The following ARFGEF1 variants were observed in gnomAD, a reference collection of about 807,000 sequenced individuals.
ARFGEF1 encodes the protein brefeldin A-inhibited guanine nucleotide-exchange protein 1.
ARFGEF1 carries 42 observed loss-of-function variants against 231.0 expected under a neutral mutation model. The observed-to-expected ratio is 0.18, with a 90% CI of 0.14 to 0.24. ARFGEF1 has a LOEUF of 0.24. ARFGEF1 is among the 10% of genes least tolerant of loss of function. The pLI, the probability that ARFGEF1 is intolerant of heterozygous loss-of-function variation, is 1.00. For synonymous variants in ARFGEF1, 710 were observed against 732.3 expected (o/e 0.97, Z 0.49); for missense variants, 1,345 against 2,192.0 (o/e 0.61, Z 7.72).
At position 67,257,895 on chromosome 8, in the gene ARFGEF1, T is replaced by A. The variant is rs113064460; in HGVS notation, c.2442-79A>T. ...TTTAAATAAGTCACCTCAAATCCCATAGCACTTTTATTTCTCTAAGTATCT... is the reference window on the plus strand; with the variant it reads ...TTTAAATAAGTCACCTCAAATCCCAAAGCACTTTTATTTCTCTAAGTATCT... On this transcript the variant is annotated intron_variant, in intron 16 of 38. Transcript: ENST00000262215. 179 of 1,298,148 alleles carry A rather than the reference T, an allele frequency of 1.4e-4. 1 individual carries two copies. The African/African-American group carries it at 2.0e-3, about 15-fold the overall frequency. The allele number at this position is 1,298,148 out of a possible 1,614,324, so 80.4% of individuals were successfully genotyped here.
At chr8:67,306,416 T>C (rs1325828715) in intron 1 of ARFGEF1, among the ~76,000 whole-genome samples, 2 of 152,214 alleles carry the variant, frequency 1.3e-5, no homozygotes, top group East Asian at 3.8e-4. Context: ...ATCAACACTG[T>C]TTATAAGGCA....
Position 67,259,929 on chromosome 8 carries a change from A to G in ARFGEF1, c.2124-3T>C, listed in dbSNP as rs763582279. ...CTCTCTTTGGTTTCTTATTAAATCT[A>G]GATGATGTTAAATAAGAACATTAAA... On this transcript the variant is annotated splice_polypyrimidine_tract_variant and splice_region_variant and intron_variant, in intron 14 of 38. Transcript: ENST00000262215. 96 of 1,562,880 alleles carry G rather than the reference A, an allele frequency of 6.1e-5. No homozygotes were observed. Among genetic ancestry groups the G allele is most frequent in the Non-Finnish European group, 8.2e-5 (94 of 1,142,376 alleles).
intron 7 of ARFGEF1, among the ~76,000 whole-genome samples, chr8:67,284,174 C>T (rs1386103118): frequency 6.6e-6 from 1 of 152,062 alleles, no homozygotes; most frequent in Admixed American, 6.6e-5. Flanking sequence ...AAATCTCTAT[C>T]AACTGAAATA....
At chr8:67,180,138 C>T (rs183347066) in intron 5 of ARFGEF1, among the ~76,000 whole-genome samples, 1 of 152,118 alleles carries the variant, frequency 6.6e-6, no homozygotes, top group East Asian at 1.9e-4. Flanking sequence ...GTTGACAAAC[C>T]TGTACATGAA....
chr8:67,325,169 TC>T (rs1807776748), intron 1 of ARFGEF1, among the ~76,000 whole-genome samples: 1 of 150,956 alleles, frequency 6.6e-6, no homozygotes, highest in Non-Finnish European at 1.5e-5. Flanking sequence ...CACCTCAGCC[TC>T]CCAAAGTACT....
At chr8:67,289,549 C>CAAAAAAAAAAAAAAAAAAAAAAAAAA (rs552601455) in intron 6 of ARFGEF1, among the ~76,000 whole-genome samples, 1 of 44,846 alleles carries the variant, frequency 2.2e-5, no homozygotes, top group African/African-American at 7.1e-5. Context: ...ACTCTGTATC[C>CAAAAAAAAAAAAAAAAAAAAAAAAAA]AAAAAAAAAA....
intron 1 of ARFGEF1, among the ~76,000 whole-genome samples, chr8:67,335,128 C>CAA (rs1563922014): frequency 8.4e-6 from 1 of 119,740 alleles, no homozygotes; most frequent in African/African-American, 3.3e-5. Context: ...TTTTTTGAGA[C>CAA]AGAGTCTCAC....
intron 17 of ARFGEF1, among the ~76,000 whole-genome samples, chr8:67,254,632 C>A (rs1009753694): frequency 2.0e-5 from 3 of 152,052 alleles, no homozygotes; most frequent in Non-Finnish European, 2.9e-5. Context: ...TCAAGTCCAG[C>A]CTAGGCAACA....
intron 35 of ARFGEF1, among the ~76,000 whole-genome samples, chr8:67,203,599 CCATGTCA>C (rs1164209854): frequency 6.6e-6 from 1 of 152,192 alleles, no homozygotes; most frequent in African/African-American, 2.4e-5. Flanking sequence ...GGCAAAATGG[CCATGTCA>C]TCATGTGTGA....
At chr8:67,185,717 C>A (rs1039962864) in intron 5 of ARFGEF1, among the ~76,000 whole-genome samples, 7 of 152,038 alleles carry the variant, frequency 4.6e-5, no homozygotes, top group Non-Finnish European at 8.8e-5. Context: ...AAAAGTAAAA[C>A]TTGCTGCTGC....
intron 19 of ARFGEF1, among the ~76,000 whole-genome samples, chr8:67,249,771 G>A (rs1159361765): frequency 1.3e-5 from 2 of 152,104 alleles, no homozygotes; most frequent in African/African-American, 2.4e-5. Context: ...ACAGGTGCAT[G>A]CCACCAAGCC....
At chr8:67,225,242 C>A (rs1255498750) in intron 28 of ARFGEF1, among the ~76,000 whole-genome samples, 1 of 152,160 alleles carries the variant, frequency 6.6e-6, no homozygotes, top group Admixed American at 6.5e-5. Flanking sequence ...CTATAAAGAG[C>A]TCTGGACTAG....
rs1808005962 is a variant in ARFGEF1, at chr8:67,329,582, T to G, written c.124+13582A>C. ...TAAATAAATAAATAAATAAAAAGAA[T>G]TTTTTAAAAAATGGAAAGAGCTAGA... On this transcript the variant is annotated intron_variant, in intron 1 of 38. Coordinates refer to ENST00000262215, the MANE Select transcript of ARFGEF1 (RefSeq NM_006421.5). 2.0e-5 allele frequency among the ~76,000 whole-genome samples: 3 copies of G among 148,846 alleles called. No homozygotes were observed. The South Asian group carries it at 6.4e-4, about 32-fold the overall frequency.
downstream of ARFGEF1, among the ~76,000 whole-genome samples, chr8:67,196,919 C>T (rs913092696): frequency 2.0e-5 from 3 of 152,044 alleles, no homozygotes; most frequent in Non-Finnish European, 4.4e-5. Flanking sequence ...TGTTCAGTAA[C>T]TGTTCATTAT....
intron 5 of ARFGEF1, among the ~76,000 whole-genome samples, chr8:67,185,153 A>C (rs964167747): frequency 6.6e-6 from 1 of 151,842 alleles, no homozygotes; most frequent in Non-Finnish European, 1.5e-5. Context: ...AAAACACAAC[A>C]TAGTCCAAGA....
At chr8:67,195,885 T>TTAAGA (rs942452572), downstream of ARFGEF1, 8 of 289,950 alleles carry the variant, frequency 2.8e-5, no homozygotes, top group Admixed American at 4.8e-5. Context: ...CTGCTTGTCA[T>TTAAGA]TAAGATAAGG....
At chr8:67,251,786 T>C (rs1223270797) in intron 18 of ARFGEF1, among the ~76,000 whole-genome samples, 1 of 152,154 alleles carries the variant, frequency 6.6e-6, no homozygotes, top group African/African-American at 2.4e-5. Flanking sequence ...TAAATGCCAC[T>C]GAATTGTTCA....
chr8:67,299,636 G>A (rs1342442163), intron 3 of ARFGEF1, among the ~76,000 whole-genome samples: 7 of 152,156 alleles, frequency 4.6e-5, no homozygotes, highest in Non-Finnish European at 8.8e-5. Flanking sequence ...TGGAGAACCT[G>A]TCTCTGATGA....
chr8:67,306,191 C>T (rs1041406310), intron 1 of ARFGEF1, among the ~76,000 whole-genome samples: 1 of 152,168 alleles, frequency 6.6e-6, no homozygotes, highest in African/African-American at 2.4e-5. Flanking sequence ...GACTTGAACA[C>T]AAGCATGCCC....
Sources: gnomAD v4.1 joint callset for allele counts (sites outside exome capture counted in the v4.1 genomes callset) on GRCh38, gnomAD v4.1.1 for gene constraint, MANE v1.5 for transcripts, NCBI Gene and HGNC (gene_info 2026-07-23, HGNC 2026-07-21) for gene names.